The following MNAT1 variants were observed in gnomAD, a reference collection of about 807,000 sequenced individuals.
The protein encoded by MNAT1 is CDK-activating kinase assembly factor MAT1.
A neutral mutation model predicts 42.0 loss-of-function variants in MNAT1; 43 were observed. The ratio of observed to expected loss-of-function variants is 1.02; its 90% CI spans 0.80 to 1.32. MNAT1 has a LOEUF of 1.32. Among genes scored for constraint, MNAT1 ranks in the 40% most tolerant of loss-of-function variants. MNAT1 has a pLI of 0.00. For missense variants in MNAT1, 306 were observed against 350.4 expected, an observed-to-expected ratio of 0.87 and a Z score of 1.01; for synonymous variants, 118 against 120.0, an observed-to-expected ratio of 0.98 and a Z score of 0.11.
At chr14:60,920,098 C>A in intron 7 of MNAT1, 1 of 153,112 alleles carries the variant, frequency 6.5e-6, no homozygotes, top group South Asian at 1.9e-4. Context: ...CTTGCAGAAT[C>A]AGTCCTATAA....
intron 3 of MNAT1, among the ~76,000 whole-genome samples, chr14:60,801,132 G>C (rs2032189514): frequency 6.6e-6 from 1 of 152,014 alleles, no homozygotes; most frequent in Non-Finnish European, 1.5e-5. Context: ...GATCTTAAAA[G>C]AAGAAGAAGA....
At chr14:60,796,415 A>G (rs1195726889) in intron 2 of MNAT1, 46 bp downstream of exon 2, 1 of 1,545,750 alleles carries the variant, frequency 6.5e-7, no homozygotes, top group Non-Finnish European at 8.8e-7. Flanking sequence ...GAGGACTTTA[A>G]CAATTATGTC....
chr14:60,947,462 C>T (rs1168884509), intron 7 of MNAT1, among the ~76,000 whole-genome samples: 1 of 152,118 alleles, frequency 6.6e-6, no homozygotes, highest in Non-Finnish European at 1.5e-5. Flanking sequence ...GCGGGTGGAT[C>T]TTCTGAGGTC....
chr14:60,962,466 T>C (rs2036611298), intron 7 of MNAT1, among the ~76,000 whole-genome samples: 1 of 152,174 alleles, frequency 6.6e-6, no homozygotes, highest in South Asian at 2.1e-4. Flanking sequence ...ACCAACAACA[T>C]TGTTCATAGA....
chr14:60,891,359 C>T (rs2034839542), intron 7 of MNAT1, among the ~76,000 whole-genome samples: 1 of 151,166 alleles, frequency 6.6e-6, no homozygotes, highest in African/African-American at 2.4e-5. Flanking sequence ...TCATTATTTT[C>T]TTTTTTCTGC....
intron 7 of MNAT1, among the ~76,000 whole-genome samples, chr14:60,936,296 G>A (rs1386792104): frequency 6.6e-6 from 1 of 152,136 alleles, no homozygotes; most frequent in Non-Finnish European, 1.5e-5. Flanking sequence ...TGTTACGTGT[G>A]TATACATGTG....
chr14:60,844,382 C>T (rs1365379762), intron 6 of MNAT1, among the ~76,000 whole-genome samples: 1 of 151,954 alleles, frequency 6.6e-6, no homozygotes, highest in Non-Finnish European at 1.5e-5. Context: ...TTATTTAGGG[C>T]CTCTTTATCT....
chr14:60,901,255 G>C (rs1443275855), intron 7 of MNAT1, among the ~76,000 whole-genome samples: 5 of 152,098 alleles, frequency 3.3e-5, no homozygotes, highest in African/African-American at 1.2e-4. Flanking sequence ...ATGGTTTGCT[G>C]AATATTTGAA....
intron 7 of MNAT1, among the ~76,000 whole-genome samples, chr14:60,900,371 A>G (rs928489043): frequency 6.6e-6 from 1 of 152,220 alleles, no homozygotes; most frequent in African/African-American, 2.4e-5. Context: ...AGAAAGCAAA[A>G]CAGCCTGATT....
intron 1 of MNAT1, among the ~76,000 whole-genome samples, chr14:60,778,962 T>A (rs999975358): frequency 6.6e-6 from 1 of 152,228 alleles, no homozygotes; most frequent in African/African-American, 2.4e-5. Flanking sequence ...TCCATTCATA[T>A]AGCTTTAGAC....
intron 7 of MNAT1, among the ~76,000 whole-genome samples, chr14:60,962,030 C>T (rs1003518896): frequency 3.9e-5 from 6 of 152,134 alleles, no homozygotes; most frequent in African/African-American, 1.4e-4. Flanking sequence ...CATTGGGATA[C>T]ACAAAATCTA....
At chr14:60,737,479 T>C (rs1896337449) in intron 1 of MNAT1, among the ~76,000 whole-genome samples, 1 of 152,160 alleles carries the variant, frequency 6.6e-6, no homozygotes, top group Non-Finnish European at 1.5e-5. Context: ...GTTTTCCTCT[T>C]TTAACAATTT....
intron 6 of MNAT1, among the ~76,000 whole-genome samples, chr14:60,851,492 T>C (rs2033818774): frequency 6.6e-6 from 1 of 152,202 alleles, no homozygotes. Flanking sequence ...GTGTCACACT[T>C]TGGTAATTCT....
intron 7 of MNAT1, among the ~76,000 whole-genome samples, chr14:60,943,003 A>AGTGTGTGT (rs138575597): frequency 1.3e-5 from 1 of 78,456 alleles, no homozygotes; most frequent in African/African-American, 5.1e-5. Context: ...AACCACATGT[A>AGTGTGTGT]GTGTGTGTGT....
At chr14:60,825,294 A>G (rs1025187834) in intron 6 of MNAT1, among the ~76,000 whole-genome samples, 2 of 152,218 alleles carry the variant, frequency 1.3e-5, no homozygotes, top group African/African-American at 4.8e-5. Flanking sequence ...TTAGAATGGC[A>G]TAGTATTTAC....
At chr14:60,779,529 C>G (rs893450872) in intron 1 of MNAT1, among the ~76,000 whole-genome samples, 6 of 152,116 alleles carry the variant, frequency 3.9e-5, no homozygotes, top group African/African-American at 1.4e-4. Context: ...TGGCCCACAC[C>G]TGTAATCCCA....
At chr14:60,737,540 T>G (rs1387185888) in intron 1 of MNAT1, among the ~76,000 whole-genome samples, 1 of 152,016 alleles carries the variant, frequency 6.6e-6, no homozygotes, top group Non-Finnish European at 1.5e-5. Flanking sequence ...TTTTTAAAAT[T>G]AATATTTAAT....
chr14:60,850,054 A>T (rs1594801118), intron 6 of MNAT1, among the ~76,000 whole-genome samples: 1 of 152,040 alleles, frequency 6.6e-6, no homozygotes. Context: ...CCATGCTGGT[A>T]TCAAACTCCT....
intron 1 of MNAT1, among the ~76,000 whole-genome samples, chr14:60,788,469 C>T (rs2031720345): frequency 6.6e-6 from 1 of 152,150 alleles, no homozygotes; most frequent in Non-Finnish European, 1.5e-5. Context: ...GCTGCACTAT[C>T]TCCTGAAAAG....
Sources: allele counts gnomAD v4.1 joint callset (sites outside exome capture counted in the v4.1 genomes callset), GRCh38; gene constraint gnomAD v4.1.1; transcripts MANE v1.5; gene names NCBI Gene and HGNC (gene_info 2026-07-23, HGNC 2026-07-21).